MTHFSD: variants seen among roughly 807,000 people sequenced by gnomAD.
The protein encoded by MTHFSD is methenyltetrahydrofolate synthase domain-containing protein.
In MTHFSD, 37 loss-of-function variants were observed where a neutral mutation model predicts 31.1. The observed-to-expected ratio is 1.19, with a 90% CI of 0.91 to 1.56. The LOEUF is 1.56. MTHFSD is among the 40% of genes most tolerant of loss of function. The pLI is 0.00. For missense variants in MTHFSD, 664 were observed against 510.1 expected (o/e 1.30, Z -2.91); for synonymous variants, 221 against 206.9 (o/e 1.07, Z -0.59).
In MTHFSD at chr16:86,542,289, G is replaced by C; in HGVS notation, c.443-76C>G. The C allele has an allele frequency of 3.9e-6, 5 of 1,268,064 alleles. No homozygotes were observed. The South Asian group carries it at 6.6e-5, about 17-fold the overall frequency. 78.6% of individuals were successfully genotyped at this position (1,268,064 alleles called of 1,614,324 possible). ...AGAAGTGGATTTTCCATCAGGTCCA[G>C]TGGAAGAAGAAACTTGAACCCAATA... On this transcript the variant is annotated intron_variant, in intron 5 of 7. Coordinates refer to ENST00000360900, the MANE Select transcript of MTHFSD (RefSeq NM_001159377.2). This position sits in a 1 kb window ranked among gnomAD's most constrained non-coding sequence, Gnocchi z 4.6.
At chr16:86,547,126 C>T in intron 4 of MTHFSD, 1 of 972,424 alleles carries the variant, frequency 1.0e-6, no homozygotes, top group Non-Finnish European at 1.2e-6. Context: ...GCATTTAGCA[C>T]ATAAGACATG....
intron 7 of MTHFSD, among the ~76,000 whole-genome samples, chr16:86,537,254 G>A (rs1022841937): frequency 2.0e-5 from 3 of 151,974 alleles, no homozygotes; most frequent in African/African-American, 4.8e-5. Context: ...GTATTTCCTC[G>A]CCGTCTTTTC....
At position 86,542,583 on chromosome 16, in the gene MTHFSD, G is replaced by C. The variant is rs533049059; in HGVS notation, c.443-370C>G. ...AAAAGACTAAAAACAAATTCCCACT[G>C]AAAGCAAAACATGTTTAATCAACTT... On this transcript the variant is annotated intron_variant, in intron 5 of 7. Transcript: ENST00000360900. The surrounding 1 kb of genome is among the most constrained non-coding windows in gnomAD (Gnocchi z 4.6). 62 of 190,448 alleles carry C rather than the reference G, an allele frequency of 3.3e-4. No homozygotes were observed. The highest frequency in any genetic ancestry group is 1.4e-3 in the African/African-American group (59 of 42,510). The allele number at this position is 190,448 out of a possible 1,614,324, so 11.8% of individuals were successfully genotyped here. A position where few individuals can be genotyped will look rare whatever the true frequency, so the allele number is the denominator to read the frequency against.
intron 7 of MTHFSD, chr16:86,535,460 G>A (rs1353739499): frequency 2.0e-6 from 2 of 985,254 alleles, no homozygotes; most frequent in Admixed American, 6.2e-5. Context: ...ATGAGTGCAT[G>A]GCAGTGCTAC....
In MTHFSD at chr16:86,532,077, C is replaced by A; in HGVS notation, c.1086G>T (p.Leu362Phe). Residue 362 changes from leucine (L) to phenylalanine (F), a missense_variant, in exon 8 of 8, where the codon TTG (leucine) becomes TTT (phenylalanine). By Grantham distance (22) the Leu-to-Phe change is conservative. Coordinates refer to ENST00000360900, the MANE Select transcript of MTHFSD (RefSeq NM_001159377.2). ...TGTCGGTGCCCAGGCGCAGGCCCTGCAAGCAGGAGACGGCCTGCTGGGCTG... is the reference window on the plus strand; with the variant it reads ...TGTCGGTGCCCAGGCGCAGGCCCTGAAAGCAGGAGACGGCCTGCTGGGCTG... ...SAAAQQAVSC[L>F]QGLRLGTDTL... The A allele has an allele frequency of 6.5e-7, 1 of 1,528,198 alleles. No homozygotes were observed. The highest frequency in any genetic ancestry group is 2.3e-5 in the East Asian group (1 of 42,590). The allele number at this position is 1,528,198 out of a possible 1,614,324, so 94.7% of individuals were successfully genotyped here.
chr16:86,539,360 A>C (rs374018126), intron 7 of MTHFSD, among the ~76,000 whole-genome samples: 4 of 152,342 alleles, frequency 2.6e-5, no homozygotes, highest in African/African-American at 7.2e-5. Context: ...AGCACAGAGA[A>C]AGAAGAAACA....
intron 5 of MTHFSD, among the ~76,000 whole-genome samples, chr16:86,544,822 A>T (rs1972044788): frequency 6.6e-6 from 1 of 152,238 alleles, no homozygotes; most frequent in Non-Finnish European, 1.5e-5. Context: ...CTCATCAACG[A>T]TAGGCTGGAT....
chr16:86,545,811 C>T (rs1485839937), intron 5 of MTHFSD, among the ~76,000 whole-genome samples: 1 of 152,230 alleles, frequency 6.6e-6, no homozygotes, highest in Non-Finnish European at 1.5e-5. Flanking sequence ...GCAGGTGTAG[C>T]AGGTATACCA....
chr16:86,541,382 CT>C (rs1423442977), intron 7 of MTHFSD, among the ~76,000 whole-genome samples: 1 of 152,104 alleles, frequency 6.6e-6, no homozygotes, highest in Non-Finnish European at 1.5e-5. Flanking sequence ...CAGAAAACAA[CT>C]CTTAAAAATG....
chr16:86,535,224 A>T (rs1970518498), intron 7 of MTHFSD: 2 of 985,344 alleles, frequency 2.0e-6, no homozygotes, highest in South Asian at 9.4e-5. Context: ...TAGAATGGAA[A>T]TGTGGAAGTG....
chr16:86,548,208 T>C, intron 4 of MTHFSD: 3 of 1,058,326 alleles, frequency 2.8e-6, no homozygotes, highest in Admixed American at 3.2e-5. Context: ...CCGTCTTCCC[T>C]TTTCTTACAA....
At chr16:86,544,320 ACTAT>A (rs1169636727) in intron 5 of MTHFSD, among the ~76,000 whole-genome samples, 3 of 152,160 alleles carry the variant, frequency 2.0e-5, no homozygotes, top group African/African-American at 7.2e-5. Context: ...AATTTTGCAA[ACTAT>A]CTGTCTGACA....
rs1969890320 is a variant in MTHFSD, at chr16:86,530,388, T to C, written c.*1623A>G. 6.6e-6 allele frequency: 1 copy of C among 151,902 alleles called. No individual in the cohort carries two copies. The highest frequency in any genetic ancestry group is 1.5e-5 in the Non-Finnish European group (1 of 68,024). 9.4% of individuals were successfully genotyped at this position (151,902 alleles called of 1,614,324 possible). Reference sequence around the variant, plus strand: ...CTGGTTTAATCCCGCCGTCTGAGGGTGGGGTGGGCGTCAGGCATGGCTGGA... The same window carrying C: ...CTGGTTTAATCCCGCCGTCTGAGGGCGGGGTGGGCGTCAGGCATGGCTGGA... On this transcript the variant is annotated 3_prime_UTR_variant, in exon 8 of 8. Coordinates refer to ENST00000360900, the MANE Select transcript of MTHFSD (RefSeq NM_001159377.2).
intron 7 of MTHFSD, among the ~76,000 whole-genome samples, chr16:86,538,712 C>T (rs951147517): frequency 2.0e-5 from 3 of 152,246 alleles, no homozygotes; most frequent in Admixed American, 2.0e-4. Flanking sequence ...GCTGGACGAA[C>T]TGCCCAGAGG....
chr16:86,550,788 TG>T (rs1030353553), intron 3 of MTHFSD, among the ~76,000 whole-genome samples: 20 of 152,248 alleles, frequency 1.3e-4, no homozygotes, highest in Middle Eastern at 3.2e-3. Context: ...GCTATGCTTC[TG>T]GAAGAGCCTA....
chr16:86,532,902 A>G (rs551161095), intron 7 of MTHFSD: 1 of 154,244 alleles, frequency 6.5e-6, no homozygotes, highest in East Asian at 1.9e-4. Context: ...TGACCCCCCC[A>G]GAATAATGGG....
At chr16:86,547,822 A>T (rs1972553273) in intron 4 of MTHFSD, among the ~76,000 whole-genome samples, 1 of 152,154 alleles carries the variant, frequency 6.6e-6, no homozygotes, top group African/African-American at 2.4e-5. Flanking sequence ...CGTATCTTCA[A>T]TTGTCTTATT....
intron 5 of MTHFSD, among the ~76,000 whole-genome samples, chr16:86,543,956 C>T (rs1009883205): frequency 2.0e-5 from 3 of 152,170 alleles, no homozygotes; most frequent in East Asian, 1.9e-4. Flanking sequence ...ATCTAGGTTG[C>T]GTGCTCCTGA....
At position 86,554,671 on chromosome 16, in the gene MTHFSD, C is replaced by G; in HGVS notation, c.97G>C (p.Val33Leu). 1.2e-6 allele frequency: 2 copies of G among 1,614,170 alleles called. No individual in the cohort carries two copies. The highest frequency in any genetic ancestry group is 1.3e-5 in the African/African-American group (1 of 75,050). ...SQNLADFPRPVHHRIPNFKGS... is the reference protein window; with the variant it reads ...SQNLADFPRPLHHRIPNFKGS... ...TTAAAGTTGGGTATCCTGTGATGAA[C>G]AGGTCGGGGAAAGTCAGCTAAATTT... The change falls in exon 2 of 8, where the codon GTT (valine) becomes CTT (leucine). Residue 33 changes from valine to leucine, a missense_variant. Physicochemically the swap from Val to Leu is conservative, Grantham distance 32. Transcript: ENST00000360900.
Sources: allele counts gnomAD v4.1 joint callset (sites outside exome capture counted in the v4.1 genomes callset), GRCh38; gene constraint gnomAD v4.1.1; non-coding constraint Gnocchi (gnomAD v3.1); transcripts MANE v1.5; gene names NCBI Gene and HGNC (gene_info 2026-07-23, HGNC 2026-07-21).